The following RBFOX1 variants were observed in gnomAD, a reference collection of about 807,000 sequenced individuals.
The protein encoded by RBFOX1 is RNA binding protein fox-1 homolog 1.
Under a neutral mutation model 57.7 loss-of-function variants are expected in RBFOX1, and 8 were observed. The observed-to-expected ratio is 0.14, with a 90% CI of 0.08 to 0.25. The LOEUF is 0.25. Ranked by LOEUF, RBFOX1 falls within the 10% of genes least tolerant of loss-of-function variation. The probability of loss-of-function intolerance (pLI) is 1.00; values close to 1 mark genes in which losing one functional copy is unlikely to be tolerated. For synonymous variants in RBFOX1, 326 were observed against 222.4 expected (o/e 1.47, Z -4.15); for missense variants, 611 against 548.5 (o/e 1.11, Z -1.14).
chr16:7,662,939 C>T (rs1179895439), intron 12 of RBFOX1, among the ~76,000 whole-genome samples: 1 of 152,228 alleles, frequency 6.6e-6, no homozygotes, highest in Non-Finnish European at 1.5e-5. Flanking sequence ...TTCAAATGCC[C>T]ATGTGCTTCC....
intron 2 of RBFOX1, among the ~76,000 whole-genome samples, chr16:6,575,866 T>A (rs1051582784): frequency 1.4e-5 from 2 of 139,158 alleles, no homozygotes; most frequent in African/African-American, 2.6e-5. Flanking sequence ...CAATAAAAAA[T>A]AAATAAATAA....
chr16:6,627,279 G>A (rs575996890), intron 2 of RBFOX1, among the ~76,000 whole-genome samples: 13 of 152,292 alleles, frequency 8.5e-5, no homozygotes, highest in African/African-American at 2.2e-4. Context: ...GCCCTGAAAC[G>A]TCCCTACTTA....
At chr16:7,584,646 T>C (rs1438022810) in intron 6 of RBFOX1, among the ~76,000 whole-genome samples, 3 of 152,234 alleles carry the variant, frequency 2.0e-5, no homozygotes, top group South Asian at 4.1e-4. Flanking sequence ...TGAGGCGTTG[T>C]TGAATGCAGC....
At chr16:6,043,625 A>T (rs1336815868) in intron 1 of RBFOX1, among the ~76,000 whole-genome samples, 4 of 152,188 alleles carry the variant, frequency 2.6e-5, no homozygotes, top group African/African-American at 9.7e-5. Context: ...TTCATGTTTC[A>T]GGTTTCCCTT....
intron 4 of RBFOX1, among the ~76,000 whole-genome samples, chr16:5,985,512 G>A (rs2060268457): frequency 6.6e-6 from 1 of 152,156 alleles, no homozygotes; most frequent in Non-Finnish European, 1.5e-5. Flanking sequence ...TTAGGTTGGT[G>A]TAAAAGTAAT....
At chr16:5,419,623 A>G (rs2067254846) in intron 1 of RBFOX1, among the ~76,000 whole-genome samples, 1 of 151,914 alleles carries the variant, frequency 6.6e-6, no homozygotes, top group Non-Finnish European at 1.5e-5. Flanking sequence ...AGTCTCTGAG[A>G]TCCCATGTCC....
intron 1 of RBFOX1, among the ~76,000 whole-genome samples, chr16:6,245,816 C>T (rs776135460): frequency 6.6e-6 from 1 of 152,202 alleles, no homozygotes; most frequent in African/African-American, 2.4e-5. Flanking sequence ...AGCCACTACA[C>T]TGTAATTCCA....
intron 3 of RBFOX1, among the ~76,000 whole-genome samples, chr16:6,923,703 G>C (rs56074289): frequency 0.23 from 35,699 of 151,964 alleles, 4,420 homozygotes; most frequent in Middle Eastern, 0.3. Flanking sequence ...CCATTTTCTA[G>C]CCTTTAAAGC....
intron 3 of RBFOX1, among the ~76,000 whole-genome samples, chr16:6,785,773 A>G (rs942716486): frequency 6.6e-6 from 1 of 152,216 alleles, no homozygotes. Flanking sequence ...CCAGATGAGG[A>G]TACCAAACAA....
intron 4 of RBFOX1, among the ~76,000 whole-genome samples, chr16:5,934,529 T>A (rs1214193666): frequency 6.6e-6 from 1 of 152,234 alleles, no homozygotes; most frequent in Non-Finnish European, 1.5e-5. Flanking sequence ...ACGACTCACG[T>A]TGCAGATCAG....
intron 3 of RBFOX1, among the ~76,000 whole-genome samples, chr16:5,641,474 G>T (rs1464837479): frequency 1.3e-5 from 2 of 152,216 alleles, no homozygotes; most frequent in African/African-American, 4.8e-5. Context: ...TTAGGATAAG[G>T]GTAAGTAGAA....
At chr16:7,312,117 C>T (rs899396405) in intron 4 of RBFOX1, among the ~76,000 whole-genome samples, 21 of 152,218 alleles carry the variant, frequency 1.4e-4, no homozygotes, top group Admixed American at 9.2e-4. Context: ...CAGTGGCCCA[C>T]GCCTGTAATC....
chr16:6,060,338 C>T (rs993286353), intron 1 of RBFOX1, among the ~76,000 whole-genome samples: 1 of 151,940 alleles, frequency 6.6e-6, no homozygotes, highest in African/African-American at 2.4e-5. Context: ...CTGTCTAAGT[C>T]TTACAGTGAG....
chr16:7,118,296 T>C (rs1346643990), intron 4 of RBFOX1, among the ~76,000 whole-genome samples: 1 of 152,088 alleles, frequency 6.6e-6, no homozygotes, highest in South Asian at 2.1e-4. Context: ...CTGGGTAAGG[T>C]GGTAGCTCAT....
chr16:5,254,042 G>T (rs1596312951), intron 1 of RBFOX1, among the ~76,000 whole-genome samples: 1 of 152,174 alleles, frequency 6.6e-6, no homozygotes, highest in Non-Finnish European at 1.5e-5. Flanking sequence ...TCCCCTTCAA[G>T]ACTGTGGTCA....
Position 6,178,494 on chromosome 16 carries a change from C to T in RBFOX1, c.-126-138501C>T, listed in dbSNP as rs1307027868. On this transcript the variant is annotated intron_variant, in intron 1 of 15. Transcript: ENST00000550418. ...CTTGTTTACCTGTTTCTGCCCATAT[C>T]TGTAGACTCAGAAATTATTTACTAA... 2.6e-5 allele frequency among the ~76,000 whole-genome samples: 4 copies of T among 152,082 alleles called. No individual in the cohort carries two copies. The East Asian group carries it at 7.7e-4, about 29-fold the overall frequency.
At chr16:7,496,421 G>A (rs1037892032) in intron 4 of RBFOX1, among the ~76,000 whole-genome samples, 4 of 152,162 alleles carry the variant, frequency 2.6e-5, no homozygotes, top group African/African-American at 9.7e-5. Context: ...GGGATTAGAG[G>A]GGTGAGCCAC....
At chr16:6,803,411 G>C (rs1436551610) in intron 3 of RBFOX1, among the ~76,000 whole-genome samples, 1 of 152,110 alleles carries the variant, frequency 6.6e-6, no homozygotes, top group Admixed American at 6.5e-5. Flanking sequence ...CCCAGTGAAG[G>C]GAGAAAGTGA....
chr16:5,461,334 C>T (rs1334289267), intron 1 of RBFOX1, among the ~76,000 whole-genome samples: 1 of 152,182 alleles, frequency 6.6e-6, no homozygotes, highest in African/African-American at 2.4e-5. Context: ...TCTGCCTCTC[C>T]TAGCGTTTCC....
Sources: allele counts gnomAD v4.1 joint callset (sites outside exome capture counted in the v4.1 genomes callset), GRCh38; gene constraint gnomAD v4.1.1; transcripts MANE v1.5; gene names NCBI Gene and HGNC (gene_info 2026-07-23, HGNC 2026-07-21).